The following SIDT1 variants were observed in gnomAD, a reference collection of about 807,000 sequenced individuals.
The protein encoded by SIDT1 is SID1 transmembrane family, member 1.
SIDT1 carries 101 observed loss-of-function variants against 107.5 expected under a neutral mutation model. The observed-to-expected ratio is 0.94, with a 90% CI of 0.80 to 1.11. The LOEUF is 1.11. Ranked by LOEUF, SIDT1 falls within the 50% of genes least tolerant of loss-of-function variation. The probability of loss-of-function intolerance (pLI) is 0.00; values close to 1 mark genes in which losing one functional copy is unlikely to be tolerated. For synonymous variants in SIDT1, 395 were observed against 398.2 expected (o/e 0.99, Z 0.10); for missense variants, 1,076 against 1,058.2 (o/e 1.02, Z -0.23).
chr3:113,604,028 T>C lies in SIDT1; in HGVS notation c.1332T>C (p.Tyr444=). The C allele has an allele frequency of 1.3e-6, 2 of 1,585,614 alleles. No homozygotes were observed. The highest frequency in any genetic ancestry group is 1.7e-6 in the Non-Finnish European group (2 of 1,162,524). Reference sequence around the variant, plus strand: ...TTGTCAGCAAAAAATATAAAATTTATTTTTGGTAAGTAGATGACCAGTAGG... The same window carrying C: ...TTGTCAGCAAAAAATATAAAATTTACTTTTGGTAAGTAGATGACCAGTAGG... ...RRIVSKKYKI[Y]FWNIITIAVF... is the part of the protein sequence containing the mutation. Residue 444 remains tyrosine (Y), a synonymous_variant, in exon 13 of 25, where the codon TAT becomes TAC. Transcript: ENST00000264852.
intron 9 of SIDT1, among the ~76,000 whole-genome samples, chr3:113,585,671 A>G (rs1420936030): frequency 6.6e-6 from 1 of 152,226 alleles, no homozygotes; most frequent in African/African-American, 2.4e-5. Flanking sequence ...TTCTAACAAA[A>G]AGTAAATGTA....
chr3:113,557,746 G>T (rs1384008230), intron 1 of SIDT1, among the ~76,000 whole-genome samples: 1 of 152,202 alleles, frequency 6.6e-6, no homozygotes, highest in East Asian at 1.9e-4. Context: ...ACTTTCTGTT[G>T]TTTCAAGCCA....
chr3:113,613,653 G>A (rs911610848), intron 19 of SIDT1, among the ~76,000 whole-genome samples: 10 of 152,186 alleles, frequency 6.6e-5, no homozygotes, highest in Admixed American at 6.5e-5. Flanking sequence ...CAGACAGAAG[G>A]TAAGTGAAGT....
chr3:113,550,414 C>T (rs987382067), intron 1 of SIDT1, among the ~76,000 whole-genome samples: 1 of 152,152 alleles, frequency 6.6e-6, no homozygotes. Flanking sequence ...TCCCAATTAT[C>T]AAGGTTTTTC....
At chr3:113,616,044 A>T (rs1946079154) in intron 19 of SIDT1, 56 bp from the exon 20 acceptor site, 3 of 1,201,492 alleles carry the variant, frequency 2.5e-6, no homozygotes, top group Non-Finnish European at 2.5e-6. Context: ...GCCACTTCAG[A>T]GTATTTGTAT....
chr3:113,567,706 C>G lies in SIDT1; in HGVS notation c.511C>G (p.Leu171Val). ...AGTTACCAAGCTGAAGCACTTCCAG[C>G]TCCGGTAAGCGGGACTTTCTCTGTT... is the stretch of plus-strand genomic sequence containing the variant. ...LLVTKLKHFQ[L>V]RTNVAFHFTA... The change falls in exon 3 of 25, where the codon CTC (leucine) becomes GTC (valine). Residue 171 changes from leucine to valine, a missense_variant. By Grantham distance (32) the Leu-to-Val change is conservative. Coordinates refer to ENST00000264852, the MANE Select transcript of SIDT1 (RefSeq NM_017699.3). 1 of 1,613,522 alleles carries G rather than the reference C, an allele frequency of 6.2e-7. No individual in the cohort carries two copies. Among genetic ancestry groups the G allele is most frequent in the Non-Finnish European group, 8.5e-7 (1 of 1,179,734 alleles).
intron 17 of SIDT1, among the ~76,000 whole-genome samples, chr3:113,610,413 T>TA (rs1295828750): frequency 2.6e-5 from 4 of 152,230 alleles, no homozygotes; most frequent in African/African-American, 9.6e-5. Context: ...GTCAGACACT[T>TA]AAAGTTTTTA....
intron 3 of SIDT1, among the ~76,000 whole-genome samples, chr3:113,568,490 A>C (rs1942129419): frequency 6.6e-6 from 1 of 151,732 alleles, no homozygotes; most frequent in African/African-American, 2.4e-5. Context: ...GCTACTCGGG[A>C]GGCTGAGGCA....
At position 113,533,254 on chromosome 3, in the gene SIDT1, C is replaced by A; in HGVS notation, c.222+11C>A. ...AGCCAGCCCGACCAGGTAAGACACT[C>A]GCTCCCCTCGCTCGACTCCTAGAAC... On this transcript the variant is annotated intron_variant, in intron 1 of 24. Coordinates refer to ENST00000264852, the MANE Select transcript of SIDT1 (RefSeq NM_017699.3). 4 of 1,434,614 alleles carry A rather than the reference C, an allele frequency of 2.8e-6. No individual in the cohort carries two copies. The highest frequency in any genetic ancestry group is 3.7e-6 in the Non-Finnish European group (4 of 1,086,208). 88.9% of individuals were successfully genotyped at this position (1,434,614 alleles called of 1,614,324 possible). A position where few individuals can be genotyped will look rare whatever the true frequency, so the allele number is the denominator to read the frequency against.
In SIDT1 at chr3:113,585,272, T is replaced by C; in HGVS notation, c.1001+2T>C. ...TGTTGGGTTTGTTCATTATCTGAGG[T>C]AGGTCAATCTTTTCTAGAAATGTTA... is the stretch of plus-strand genomic sequence containing the variant. On this transcript the variant is annotated splice_donor_variant, in intron 9 of 24. Transcript: ENST00000264852. LOFTEE classifies it high-confidence loss of function. 1 of 1,599,452 alleles carries C rather than the reference T, an allele frequency of 6.3e-7. No homozygotes were observed. Among genetic ancestry groups the C allele is most frequent in the Non-Finnish European group, 8.6e-7 (1 of 1,166,730 alleles).
chr3:113,555,156 T>TC (rs1940704745), intron 1 of SIDT1, among the ~76,000 whole-genome samples: 1 of 152,220 alleles, frequency 6.6e-6, no homozygotes, highest in African/African-American at 2.4e-5. Flanking sequence ...CTCTTCTCCT[T>TC]CCTTATGTCT....
intron 1 of SIDT1, among the ~76,000 whole-genome samples, chr3:113,556,253 C>T (rs1940845048): frequency 1.3e-5 from 2 of 152,212 alleles, no homozygotes; most frequent in African/African-American, 4.8e-5. Context: ...AATTTTTAAA[C>T]AGTCACATCA....
At chr3:113,544,531 T>G (rs1184724059) in intron 1 of SIDT1, among the ~76,000 whole-genome samples, 1 of 152,178 alleles carries the variant, frequency 6.6e-6, no homozygotes, top group Non-Finnish European at 1.5e-5. Context: ...CTGGAACATT[T>G]CTTTGTTCTT....
At chr3:113,547,529 A>G (rs1939730892) in intron 1 of SIDT1, among the ~76,000 whole-genome samples, 4 of 152,118 alleles carry the variant, frequency 2.6e-5, no homozygotes, top group African/African-American at 9.7e-5. Flanking sequence ...TTATTTTGCC[A>G]TTAGAAAGAA....
At chr3:113,605,122 C>CACTTTT in intron 14 of SIDT1, 146 bp downstream of exon 14, 7 of 306,982 alleles carry the variant, frequency 2.3e-5, no homozygotes, top group Non-Finnish European at 3.8e-5. Flanking sequence ...CTATTGCTTC[C>CACTTTT]TCTTTTTTTT....
intron 11 of SIDT1, 87 bp from the exon 12 acceptor site, chr3:113,602,918 G>A (rs1284581439): frequency 1.5e-5 from 20 of 1,374,778 alleles, no homozygotes; most frequent in African/African-American, 2.9e-5. Context: ...TTCCTAGAAT[G>A]AGTCTGCACT....
chr3:113,576,933 C>T lies in SIDT1; in HGVS notation c.527C>T (p.Ala176Val). 2 of 1,614,162 alleles carry T rather than the reference C, an allele frequency of 1.2e-6. No individual in the cohort carries two copies. Among genetic ancestry groups the T allele is most frequent in the South Asian group, 1.1e-5 (1 of 91,082 alleles). ...CTTACGTTTCTCAGGACAAATGTTG[C>T]CTTTCACTTTACTGCCAGCCCCTCT... Reference protein sequence around the residue: ...LKHFQLRTNVAFHFTASPSQP... With the variant: ...LKHFQLRTNVVFHFTASPSQP... Residue 176 changes from alanine (A) to valine (V), a missense_variant, in exon 4 of 25, where the codon GCC (alanine) becomes GTC (valine). By Grantham distance (64) the Ala-to-Val change is moderately conservative. Coordinates refer to ENST00000264852, the MANE Select transcript of SIDT1 (RefSeq NM_017699.3).
chr3:113,575,720 A>G (rs1030163632), intron 3 of SIDT1, among the ~76,000 whole-genome samples: 2 of 152,234 alleles, frequency 1.3e-5, no homozygotes, highest in East Asian at 1.9e-4. Flanking sequence ...TAACACCTCT[A>G]TAATTATACA....
At chr3:113,583,542 G>A in intron 7 of SIDT1, 46 bp downstream of exon 7, 1 of 1,426,376 alleles carries the variant, frequency 7.0e-7, no homozygotes, top group Non-Finnish European at 9.7e-7. Context: ...AAACCTGAAG[G>A]AAGGGAGTGA....
Sources: gnomAD v4.1 joint callset for allele counts (sites outside exome capture counted in the v4.1 genomes callset) on GRCh38, gnomAD v4.1.1 for gene constraint, MANE v1.5 for transcripts, NCBI Gene and HGNC (gene_info 2026-07-23, HGNC 2026-07-21) for gene names.